The following CKS1B variants were observed in gnomAD, a reference collection of about 807,000 sequenced individuals.
The protein encoded by CKS1B is CDC28 protein kinase regulatory subunit 1B, also known as cyclin-dependent kinases regulatory subunit 1.
Under a neutral mutation model 12.2 loss-of-function variants are expected in CKS1B, and 5 were observed. That is an observed-to-expected ratio of 0.41 (90% CI 0.21 to 0.86). CKS1B has a LOEUF of 0.86. Ranked by LOEUF, CKS1B falls within the 40% of genes least tolerant of loss-of-function variation. The pLI, the probability that CKS1B is intolerant of heterozygous loss-of-function variation, is 0.32. For synonymous variants in CKS1B, 24 were observed against 34.4 expected, an observed-to-expected ratio of 0.70 and a Z score of 1.06; for missense variants, 53 against 99.9, an observed-to-expected ratio of 0.53 and a Z score of 2.00.
At chr1:154,975,060 C>A in intron 1 of CKS1B, 1 of 856,318 alleles carries the variant, frequency 1.2e-6, no homozygotes. Context: ...GTACTGACCA[C>A]CCTCACCCAT....
chr1:154,978,626 T>G (rs1293111796), intron 2 of CKS1B, 99 bp from the exon 3 acceptor site: 1 of 958,980 alleles, frequency 1.0e-6, no homozygotes, highest in African/African-American at 1.6e-5. Flanking sequence ...GTTATAAAGA[T>G]CTGAGTGGGT....
chr1:154,978,355 T>G, intron 2 of CKS1B: 1 of 547,556 alleles, frequency 1.8e-6, no homozygotes, highest in Admixed American at 3.5e-5. Flanking sequence ...CAGAGGGTAT[T>G]CTTTTTAAGG....
intron 1 of CKS1B, chr1:154,975,760 T>G (rs1486273942): frequency 6.5e-6 from 1 of 154,792 alleles, no homozygotes; most frequent in East Asian, 1.9e-4. Context: ...TTCCCTGGGC[T>G]TGGTTTGGGG....
intron 1 of CKS1B, 45 bp from the exon 2 acceptor site, chr1:154,977,942 A>G: frequency 6.3e-7 from 1 of 1,595,724 alleles, no homozygotes; most frequent in Non-Finnish European, 8.5e-7. Flanking sequence ...AAGAGACTGT[A>G]TCTGGTACTA....
Position 154,974,793 on chromosome 1 carries a change from G to A in CKS1B, c.48G>A (p.Glu16=). The A allele has an allele frequency of 6.2e-7, 1 of 1,614,064 alleles. No homozygotes were observed. The change falls in exon 1 of 3, where the codon GAG becomes GAA. Residue 16 remains glutamate, a synonymous_variant. Transcript: ENST00000308987. ...ATTCGGACAAATACGACGACGAGGA[G>A]TTTGAGTATCGGTTAGTGCTGGCGC... ...IYYSDKYDDE[E]FEYRHVMLPK...
intron 1 of CKS1B, among the ~76,000 whole-genome samples, chr1:154,976,692 C>A (rs977337725): frequency 6.6e-6 from 1 of 152,202 alleles, no homozygotes; most frequent in Non-Finnish European, 1.5e-5. Context: ...TTGGCAGTGG[C>A]ACTTTGGTTT....
At chr1:154,978,251 A>G in intron 2 of CKS1B, 137 bp downstream of exon 2, 2 of 952,402 alleles carry the variant, frequency 2.1e-6, no homozygotes, top group Non-Finnish European at 3.0e-6. Context: ...GGATTTTTTT[A>G]AAAAAAAACT....
intron 2 of CKS1B, chr1:154,978,465 ACCAG>A (rs1657244202): frequency 1.8e-6 from 1 of 561,056 alleles, no homozygotes. Flanking sequence ...TTGATAAGAC[ACCAG>A]ACACCCAGCT....
chr1:154,977,791 G>C, intron 1 of CKS1B, 196 bp from the exon 2 acceptor site: 2 of 556,178 alleles, frequency 3.6e-6, no homozygotes, highest in Non-Finnish European at 6.2e-6. Context: ...TCACTAATTT[G>C]TATTTTTAAT....
Position 154,978,803 on chromosome 1 carries a change from A to T in CKS1B, c.*26A>T, listed in dbSNP as rs202099673. The T allele has an allele frequency of 5.6e-6, 8 of 1,429,128 alleles. No homozygotes were observed. The East Asian group carries it at 1.4e-4, about 24-fold the overall frequency. 88.5% of individuals were successfully genotyped at this position (1,429,128 alleles called of 1,614,324 possible). ...AGCTGGCAAGCTACTTTTCAGCCTC[A>T]AGCTTTACACAGCTGTCCTTACTTC... On this transcript the variant is annotated 3_prime_UTR_variant, in exon 3 of 3. Coordinates refer to ENST00000308987, the MANE Select transcript of CKS1B (RefSeq NM_001826.3).
rs373629012 is a variant in CKS1B, at chr1:154,978,741, G to A, written c.204G>A (p.Leu68=). The stretch of plus-strand genomic sequence containing the variant: ...CTCTTTCAGAACCTCACATCTTGCT[G>A]TTCCGGCGCCCACTACCCAAGAAAC... ...MIHEPEPHIL[L]FRRPLPKKPK... The change falls in exon 3 of 3, where the codon CTG becomes CTA. Residue 68 remains leucine, a synonymous_variant. Transcript: ENST00000308987. The A allele has an allele frequency of 6.2e-7, 1 of 1,613,642 alleles. No homozygotes were observed. Among genetic ancestry groups the A allele is most frequent in the Non-Finnish European group, 8.5e-7 (1 of 1,179,798 alleles).
chr1:154,974,785 G>A lies in CKS1B; in HGVS notation c.40G>A (p.Asp14Asn). ...KQIYYSDKYD[D>N]EEFEYRHVML... Reference sequence around the variant, plus strand: ...AATTTACTATTCGGACAAATACGACGACGAGGAGTTTGAGTATCGGTTAGT... The same window carrying A: ...AATTTACTATTCGGACAAATACGACAACGAGGAGTTTGAGTATCGGTTAGT... The change falls in exon 1 of 3, where the codon GAC becomes AAC. Residue 14 changes from aspartate to asparagine, a missense_variant. Physicochemically the swap from Asp to Asn is conservative, Grantham distance 23. Coordinates refer to ENST00000308987, the MANE Select transcript of CKS1B (RefSeq NM_001826.3). The A allele has an allele frequency of 1.2e-6, 2 of 1,613,866 alleles. No individual in the cohort carries two copies. Among genetic ancestry groups the A allele is most frequent in the Non-Finnish European group, 1.7e-6 (2 of 1,179,880 alleles).
intron 2 of CKS1B, 91 bp downstream of exon 2, chr1:154,978,205 A>G (rs969869812): frequency 6.1e-5 from 81 of 1,320,986 alleles, no homozygotes; most frequent in Non-Finnish European, 7.8e-5. Flanking sequence ...GGAGATAGGA[A>G]ATGGTTTACT....
At chr1:154,974,887 C>T (rs752559024) in intron 1 of CKS1B, 83 bp downstream of exon 1, 2 of 1,613,930 alleles carry the variant, frequency 1.2e-6, no homozygotes, top group Admixed American at 1.7e-5. Flanking sequence ...GGAACTGAGG[C>T]GATAGAATTG....
At chr1:154,975,671 TCCCCCATCCCACGCTTCGAGAACGCC>T (rs1657154353) in intron 1 of CKS1B, 1 of 154,542 alleles carries the variant, frequency 6.5e-6, no homozygotes, top group Non-Finnish European at 1.5e-5. Context: ...TCCAGGACGC[TCCCCCATCCCACGCTTCGAGAACGCC>T]CCCCGCCCCG....
At chr1:154,976,315 G>A (rs1260448259) in intron 1 of CKS1B, among the ~76,000 whole-genome samples, 1 of 152,190 alleles carries the variant, frequency 6.6e-6, no homozygotes, top group African/African-American at 2.4e-5. Flanking sequence ...TTGGGAATAA[G>A]GGAAGACACA....
intron 1 of CKS1B, 131 bp downstream of exon 1, chr1:154,974,935 T>C: frequency 1.9e-6 from 3 of 1,613,550 alleles, no homozygotes; most frequent in African/African-American, 1.3e-5. Context: ...AATGGTGTGA[T>C]ATTGTGGAAG....
At chr1:154,977,142 CTTTTT>C (rs1558069313) in intron 1 of CKS1B, among the ~76,000 whole-genome samples, 1 of 151,468 alleles carries the variant, frequency 6.6e-6, no homozygotes, top group Non-Finnish European at 1.5e-5. Flanking sequence ...TTTTTTTTCT[CTTTTT>C]TTGAGACGGA....
rs576760340 is a variant in CKS1B at position 154,978,860 on chromosome 1, C to A, written c.*83C>A. Reference sequence around the variant, plus strand: ...TCTTTCTGATAACATTATTATGTTGCCTTCTTGTTTCTCACTTTGATATTT... The same window carrying A: ...TCTTTCTGATAACATTATTATGTTGACTTCTTGTTTCTCACTTTGATATTT... On this transcript the variant is annotated 3_prime_UTR_variant, in exon 3 of 3. Coordinates refer to ENST00000308987, the MANE Select transcript of CKS1B (RefSeq NM_001826.3). 1.9e-3 allele frequency: 1,553 copies of A among 835,892 alleles called. 3 individuals carry two copies. Among genetic ancestry groups the A allele is most frequent in the Non-Finnish European group, 2.7e-3 (1,357 of 500,128 alleles). 51.8% of individuals were successfully genotyped at this position (835,892 alleles called of 1,614,324 possible).
Sources: gnomAD v4.1 joint callset for allele counts (sites outside exome capture counted in the v4.1 genomes callset) on GRCh38, gnomAD v4.1.1 for gene constraint, MANE v1.5 for transcripts, NCBI Gene and HGNC (gene_info 2026-07-23, HGNC 2026-07-21) for gene names.